The following CS variants were observed in gnomAD, a reference collection of about 807,000 sequenced individuals.
CS encodes citrate synthase.
A neutral mutation model predicts 61.4 loss-of-function variants in CS; 13 were observed. That is an observed-to-expected ratio of 0.21 (90% CI 0.14 to 0.34). The LOEUF (loss-of-function observed/expected upper bound fraction) is 0.34. CS is among the 10% of genes least tolerant of loss of function. CS has a pLI of 1.00. For missense variants in CS, 278 were observed against 573.4 expected (o/e 0.48, Z 5.26); for synonymous variants, 159 against 215.2 (o/e 0.74, Z 2.29).
chr12:56,273,876 C>T, intron 9 of CS, 80 bp from the exon 10 acceptor site: 10 of 1,252,838 alleles, frequency 8.0e-6, no homozygotes, highest in Non-Finnish European at 1.2e-5. Flanking sequence ...CTCTGTCACC[C>T]AGGCTGGAGT....
intron 7 of CS, 123 bp from the exon 8 acceptor site, chr12:56,275,254 C>T: frequency 8.8e-7 from 1 of 1,131,864 alleles, no homozygotes; most frequent in Non-Finnish European, 1.3e-6. Context: ...TATAGCCAGT[C>T]AGTTATACCT....
intron 1 of CS, 62 bp downstream of exon 1, chr12:56,300,098 G>C (rs906686263): frequency 2.0e-6 from 3 of 1,511,354 alleles, no homozygotes; most frequent in African/African-American, 1.4e-5. Context: ...CCCGGCGCCG[G>C]AGGGCCTGCG....
chr12:56,297,718 T>A (rs1236445494), intron 1 of CS, among the ~76,000 whole-genome samples: 2 of 151,920 alleles, frequency 1.3e-5, no homozygotes, highest in East Asian at 3.9e-4. Context: ...CAAAAAAAAA[T>A]TTCTTCTCAG....
At chr12:56,290,245 A>G (rs1190902634) in intron 1 of CS, among the ~76,000 whole-genome samples, 1 of 149,474 alleles carries the variant, frequency 6.7e-6, no homozygotes, top group Non-Finnish European at 1.5e-5. Context: ...GGAGTCTCAC[A>G]CTGTCACCCA....
chr12:56,273,707 A>G lies in CS; in HGVS notation c.1110T>C (p.Asn370=). The change falls in exon 10 of 11, where the codon AAT becomes AAC. Residue 370 remains asparagine, a synonymous_variant. Transcript: ENST00000351328. ...QREFALKHLP[N]DPMFKLVAQL... is the part of the protein sequence containing the mutation. ...GAGCAACCAACTTAAACATGGGGTC[A>G]TTAGGCAGGTGTTTCAGAGCAAACT... 1 of 1,614,228 alleles carries G rather than the reference A, an allele frequency of 6.2e-7. No individual in the cohort carries two copies. Among genetic ancestry groups the G allele is most frequent in the Non-Finnish European group, 8.5e-7 (1 of 1,180,036 alleles).
At position 56,271,804 on chromosome 12, in the gene CS, T is replaced by C; in HGVS notation, c.*1280A>G. 2.2e-6 allele frequency: 1 copy of C among 453,506 alleles called. No homozygotes were observed. Among genetic ancestry groups the C allele is most frequent in the South Asian group, 1.6e-5 (1 of 64,070 alleles). 28.1% of individuals were successfully genotyped at this position (453,506 alleles called of 1,614,324 possible). On this transcript the variant is annotated 3_prime_UTR_variant, in exon 11 of 11. Coordinates refer to ENST00000351328, the MANE Select transcript of CS (RefSeq NM_004077.3). The stretch of plus-strand genomic sequence containing the variant: ...GTTTACAGTGTGTCCAACTCAACAG[T>C]GTGGTTCTGGGACTGGGTATCCACA...
chr12:56,297,238 C>T (rs577583519), intron 1 of CS, among the ~76,000 whole-genome samples: 1 of 152,284 alleles, frequency 6.6e-6, no homozygotes, highest in East Asian at 1.9e-4. Flanking sequence ...TACTTCAATT[C>T]CTAGCCCAAA....
intron 1 of CS, among the ~76,000 whole-genome samples, chr12:56,294,809 C>T (rs1400122721): frequency 1.3e-5 from 2 of 152,092 alleles, no homozygotes; most frequent in Non-Finnish European, 2.9e-5. Context: ...CACTCTATTG[C>T]CCAGGCTGGA....
chr12:56,274,655 GTAGA>G (rs1185832114), intron 9 of CS, 118 bp downstream of exon 9: 1 of 748,082 alleles, frequency 1.3e-6, no homozygotes, highest in Non-Finnish European at 2.1e-6. Flanking sequence ...ATTCTTCAAG[GTAGA>G]TAAATGAAGA....
chr12:56,278,280 G>C (rs561150626), intron 6 of CS, among the ~76,000 whole-genome samples: 2 of 152,176 alleles, frequency 1.3e-5, no homozygotes, highest in East Asian at 3.9e-4. Flanking sequence ...ACAGGCGTGC[G>C]CCACCATGCC....
At chr12:56,274,614 C>T (rs1159030961) in intron 9 of CS, 163 bp downstream of exon 9, 4 of 586,060 alleles carry the variant, frequency 6.8e-6, no homozygotes, top group Admixed American at 3.6e-5. Flanking sequence ...CAGGTGCATG[C>T]CATTGTGCCC....
intron 9 of CS, chr12:56,273,999 T>TC: frequency 5.7e-6 from 1 of 175,550 alleles, no homozygotes; most frequent in East Asian, 1.0e-4. Flanking sequence ...ACATCTGGCT[T>TC]TTTTTTTTTT....
intron 1 of CS, chr12:56,298,492 T>TG (rs1437509895): frequency 6.9e-6 from 2 of 289,938 alleles, no homozygotes; most frequent in Non-Finnish European, 1.0e-5. Context: ...TCACATTCAC[T>TG]GCAGGGTTAG....
chr12:56,298,955 T>C (rs556645238), intron 1 of CS, among the ~76,000 whole-genome samples: 2 of 152,082 alleles, frequency 1.3e-5, no homozygotes, highest in African/African-American at 4.8e-5. Context: ...AGTGGGAGGA[T>C]TGCTTGAGCC....
chr12:56,280,925 A>C (rs1344803411), intron 6 of CS, among the ~76,000 whole-genome samples: 1 of 152,182 alleles, frequency 6.6e-6, no homozygotes, highest in African/African-American at 2.4e-5. Context: ...AGTTAATATC[A>C]ATTTTAAATG....
At position 56,279,786 on chromosome 12, in the gene CS, A is replaced by C. The variant is rs189462404; in HGVS notation, c.588+2634T>G. ...ATCTCAAAAAAAAAACCAAAAAAAA[A>C]CAAAACAAAAGCAAAAAAGCAAAAA... is the stretch of plus-strand genomic sequence containing the variant. On this transcript the variant is annotated intron_variant, in intron 6 of 10. Coordinates refer to ENST00000351328, the MANE Select transcript of CS (RefSeq NM_004077.3). Among the ~76,000 whole-genome samples, 1,187 of 138,848 alleles carry C rather than the reference A, an allele frequency of 8.5e-3. 6 individuals carry two copies. Among genetic ancestry groups the C allele is most frequent in the Non-Finnish European group, 0.011 (718 of 63,720 alleles). The allele number at this position is 138,848 out of a possible 152,430, so 91.1% of individuals were successfully genotyped here.
chr12:56,272,913 G>A lies in CS; in HGVS notation c.*171C>T. The A allele has an allele frequency of 1.7e-6, 1 of 596,248 alleles. No individual in the cohort carries two copies. Among genetic ancestry groups the A allele is most frequent in the South Asian group, 2.1e-5 (1 of 47,640 alleles). 36.9% of individuals were successfully genotyped at this position (596,248 alleles called of 1,614,324 possible). The stretch of plus-strand genomic sequence containing the variant: ...GGGAAGGGAGCTGATTAGGGAAGAA[G>A]GGACCATTTTTCATCTTTTAAAGTC... On this transcript the variant is annotated 3_prime_UTR_variant, in exon 11 of 11. Coordinates refer to ENST00000351328, the MANE Select transcript of CS (RefSeq NM_004077.3).
chr12:56,279,529 G>C (rs1055811583), intron 6 of CS, among the ~76,000 whole-genome samples: 3 of 151,788 alleles, frequency 2.0e-5, no homozygotes, highest in Non-Finnish European at 4.4e-5. Flanking sequence ...CACTTTTGGA[G>C]GCTGAGGCGG....
chr12:56,300,120 C>A, intron 1 of CS, 40 bp downstream of exon 1: 2 of 1,547,990 alleles, frequency 1.3e-6, no homozygotes, highest in South Asian at 1.2e-5. Context: ...TCGCCTCAGC[C>A]CCACCCTGGG....
Sources: allele counts gnomAD v4.1 joint callset (sites outside exome capture counted in the v4.1 genomes callset), GRCh38; gene constraint gnomAD v4.1.1; transcripts MANE v1.5; gene names NCBI Gene and HGNC (gene_info 2026-07-23, HGNC 2026-07-21).